The following CHD9 variants were observed in gnomAD, a reference collection of about 807,000 sequenced individuals.
CHD9 encodes ATP-dependent chromatin remodeler CHD9.
In CHD9, 77 loss-of-function variants were observed where a neutral mutation model predicts 316.1. That is an observed-to-expected ratio of 0.24 (90% CI 0.20 to 0.29). The LOEUF is 0.29. Ranked by LOEUF, CHD9 falls within the 10% of genes least tolerant of loss-of-function variation. CHD9 has a pLI of 1.00. For synonymous variants in CHD9, 1,129 were observed against 1,158.3 expected (o/e 0.97, Z 0.51); for missense variants, 2,763 against 3,438.1 (o/e 0.80, Z 4.91).
chr16:53,056,885 TC>T (rs1440001827), intron 1 of CHD9, among the ~76,000 whole-genome samples: 15 of 152,188 alleles, frequency 9.9e-5, no homozygotes, highest in Non-Finnish European at 1.8e-4. Flanking sequence ...TGCAAATTCT[TC>T]CCTGTAATCC....
intron 2 of CHD9, among the ~76,000 whole-genome samples, chr16:53,178,083 G>T (rs1284407282): frequency 1.3e-5 from 2 of 152,198 alleles, no homozygotes; most frequent in Non-Finnish European, 2.9e-5. Context: ...GTATGAGACT[G>T]TTGGGGCAGA....
chr16:53,226,237 GA>G, intron 4 of CHD9, 128 bp from the exon 5 acceptor site: 1 of 555,306 alleles, frequency 1.8e-6, no homozygotes. Flanking sequence ...AACAAAATAG[GA>G]AAAGATAGTA....
intron 1 of CHD9, among the ~76,000 whole-genome samples, chr16:53,077,619 G>A (rs867837503): frequency 1.3e-5 from 2 of 152,028 alleles, no homozygotes; most frequent in Non-Finnish European, 2.9e-5. Flanking sequence ...GAGCCACCGC[G>A]CCCAGCCTAA....
intron 2 of CHD9, among the ~76,000 whole-genome samples, chr16:53,165,470 C>T (rs1410584430): frequency 1.3e-5 from 2 of 151,942 alleles, no homozygotes; most frequent in African/African-American, 4.8e-5. Context: ...TTCATTTCCC[C>T]CACCCCAGAA....
At chr16:53,273,946 C>A (rs528110225) in intron 23 of CHD9, among the ~76,000 whole-genome samples, 161 bp downstream of exon 23, 1 of 152,276 alleles carries the variant, frequency 6.6e-6, no homozygotes, top group South Asian at 2.1e-4. Context: ...CATGATACCT[C>A]TTGTGTCATT....
At position 53,263,002 on chromosome 16, in the gene CHD9, T is replaced by A; in HGVS notation, c.4225T>A (p.Ser1409Thr). Reference sequence around the variant, plus strand: ...TATATTTCAGGCGAGTTTTGTGGCATCTGGAAACCGGACAGATATTTCTTT... The same window carrying A: ...TATATTTCAGGCGAGTTTTGTGGCAACTGGAAACCGGACAGATATTTCTTT... ...STFAKASFVA[S>T]GNRTDISLDD... Residue 1409 changes from serine to threonine, a missense_variant, in exon 20 of 39, where the codon TCT (serine) becomes ACT (threonine). Physicochemically the swap from Ser to Thr is moderately conservative, Grantham distance 58. Coordinates refer to ENST00000447540, the MANE Select transcript of CHD9 (RefSeq NM_001308319.2). The A allele has an allele frequency of 6.2e-7, 1 of 1,612,462 alleles. No individual in the cohort carries two copies. The highest frequency in any genetic ancestry group is 8.5e-7 in the Non-Finnish European group (1 of 1,178,994).
chr16:53,200,895 A>G (rs1332272824), intron 2 of CHD9, among the ~76,000 whole-genome samples: 1 of 152,224 alleles, frequency 6.6e-6, no homozygotes, highest in East Asian at 1.9e-4. Flanking sequence ...ATCACATCAC[A>G]GCAATAACAA....
In CHD9 at chr16:53,157,220, T is replaced by G. The variant is rs759457543; in HGVS notation, c.1131T>G (p.His377Gln). The change falls in exon 2 of 39, where the codon CAT becomes CAG. Residue 377 changes from histidine (H) to glutamine (Q), a missense_variant. Physicochemically the swap from His to Gln is conservative, Grantham distance 24 (BLOSUM62 0). Transcript: ENST00000447540. The part of the protein sequence containing the change: ...SGTQMGHFND[H>Q]VETNGFSSLE... ...CTCAAATGGGCCATTTCAATGATCA[T>G]GTAGAAACTAATGGCTTTTCATCTT... 11 of 1,602,852 alleles carry G rather than the reference T, an allele frequency of 6.9e-6. No homozygotes were observed. Among genetic ancestry groups the G allele is most frequent in the Non-Finnish European group, 9.4e-6 (11 of 1,173,868 alleles).
intron 34 of CHD9, 79 bp from the exon 35 acceptor site, chr16:53,314,298 T>G: frequency 9.8e-7 from 1 of 1,016,956 alleles, no homozygotes; most frequent in Non-Finnish European, 1.4e-6. Flanking sequence ...AACACTTTCA[T>G]ATATTTAGGA....
rs1417413107 is a variant in CHD9 at position 53,229,074 on chromosome 16, G to A, written c.2260G>A (p.Ala754Thr). The A allele has an allele frequency of 1.3e-5, 21 of 1,582,346 alleles. No homozygotes were observed. In the Admixed American group the frequency reaches 3.3e-4, roughly 25 times the overall value. Residue 754 changes from alanine (A) to threonine (T), a missense_variant, in exon 8 of 39, where the codon GCA (alanine) becomes ACA (threonine). Ala to Thr is a moderately conservative substitution (Grantham distance 58). Around this residue, in one of 15 missense-constraint regions of CHD9, gnomAD observed 859 missense variants for 890.4 expected, o/e 0.96. Transcript: ENST00000447540. ...QKIKRFKLRQ[A>T]QRAHFFADME... ...AATCAAACGATTCAAATTGAGACAA[G>A]CACAAAGAGCACATTTTTTTGCAGA...
intron 24 of CHD9, among the ~76,000 whole-genome samples, chr16:53,284,349 G>GTATA (rs201001186): frequency 1.3e-5 from 2 of 150,890 alleles, no homozygotes; most frequent in Admixed American, 6.6e-5. Flanking sequence ...ATGTGTGTGT[G>GTATA]TGTATATATA....
In CHD9 at chr16:53,245,217, AT is replaced by A; in HGVS notation, c.3055-118del. On this transcript the variant is annotated intron_variant, in intron 13 of 38. Transcript: ENST00000447540. The surrounding 1 kb of genome is among the most constrained non-coding windows in gnomAD (Gnocchi z 4.1). Reference sequence around the variant, plus strand: ...ATATACACACACACACACATAACATATATATATGTATATATAGTCAGAAAAA... The same window carrying A: ...ATATACACACACACACACATAACATAATATATGTATATATAGTCAGAAAAA... 1 of 651,300 alleles carries A rather than the reference AT, an allele frequency of 1.5e-6. No individual in the cohort carries two copies. Among genetic ancestry groups the A allele is most frequent in the Non-Finnish European group, 2.4e-6 (1 of 411,800 alleles). The allele number at this position is 651,300 out of a possible 1,614,324, so 40.3% of individuals were successfully genotyped here.
chr16:53,073,578 C>T (rs532830848), intron 1 of CHD9, among the ~76,000 whole-genome samples: 84 of 152,308 alleles, frequency 5.5e-4, no homozygotes, highest in Non-Finnish European at 1.1e-3. Flanking sequence ...ACTGTATTCC[C>T]ATAATTCCCA....
rs187582583 is a variant in CHD9, at chr16:53,176,337, C to T, written c.1452+18796C>T. On this transcript the variant is annotated intron_variant, in intron 2 of 38. Coordinates refer to ENST00000447540, the MANE Select transcript of CHD9 (RefSeq NM_001308319.2). ...TTTTGTTTTGTTTTTGTTTTTCCTC[C>T]GTCTTCCACTTATAAGGACCCTAGT... Among the ~76,000 whole-genome samples, 7 of 152,254 alleles carry T rather than the reference C, an allele frequency of 4.6e-5. No individual in the cohort carries two copies. In the East Asian group the frequency reaches 5.8e-4, roughly 13 times the overall value.
In CHD9 at chr16:53,278,455, A is replaced by G. The variant is rs182218738; in HGVS notation, c.4967+4153A>G. On this transcript the variant is annotated intron_variant, in intron 24 of 38. Transcript: ENST00000447540. Reference sequence around the variant, plus strand: ...GAATAGAGAACCAAGAAATAAAGCCAAACACAGCCAACTGATCTTCAACAA... The same window carrying G: ...GAATAGAGAACCAAGAAATAAAGCCGAACACAGCCAACTGATCTTCAACAA... Among the ~76,000 whole-genome samples, 75 of 152,284 alleles carry G rather than the reference A, an allele frequency of 4.9e-4. No homozygotes were observed. In the South Asian group the frequency reaches 7.7e-3, roughly 16 times the overall value.
intron 3 of CHD9, among the ~76,000 whole-genome samples, chr16:53,218,091 T>C (rs2046933719): frequency 6.6e-6 from 1 of 152,094 alleles, no homozygotes; most frequent in African/African-American, 2.4e-5. Context: ...ACGTACCCTT[T>C]TTAAATAGAA....
Position 53,324,321 on chromosome 16 carries a change from TG to T in CHD9, c.8122del (p.Ala2708LeufsTer24). 1 of 1,613,966 alleles carries T rather than the reference TG, an allele frequency of 6.2e-7. No homozygotes were observed. Among genetic ancestry groups the T allele is most frequent in the Non-Finnish European group, 8.5e-7 (1 of 1,179,866 alleles). ...CCTTCTGGAGGAGAAGCTAAAAACA[TG>T]GCTGCTATGTTCCCCATGCTGCTGT... is the stretch of plus-strand genomic sequence containing the variant. The part of the protein sequence containing the change: ...GLPSGGEAKN[M>X]AAMFPMLLSG... On this transcript the variant is annotated frameshift_variant, in exon 39 of 39. Coordinates refer to ENST00000447540, the MANE Select transcript of CHD9 (RefSeq NM_001308319.2). LOFTEE classifies it high-confidence loss of function.
intron 1 of CHD9, among the ~76,000 whole-genome samples, chr16:53,108,959 A>T (rs892707673): frequency 2.6e-5 from 4 of 152,242 alleles, no homozygotes; most frequent in Non-Finnish European, 5.9e-5. Flanking sequence ...ATACTTTGGT[A>T]AGTTTTCATG....
intron 1 of CHD9, among the ~76,000 whole-genome samples, chr16:53,094,835 C>T (rs962221642): frequency 2.0e-5 from 3 of 152,144 alleles, no homozygotes. Context: ...TACAGGGTTT[C>T]GCCACGTTGG....
Sources: allele counts gnomAD v4.1 joint callset (sites outside exome capture counted in the v4.1 genomes callset), GRCh38; gene constraint gnomAD v4.1.1; regional missense constraint gnomAD v4.1.1; non-coding constraint Gnocchi (gnomAD v3.1); transcripts MANE v1.5; gene names NCBI Gene and HGNC (gene_info 2026-07-23, HGNC 2026-07-21).